Variants in SLC41A2 observed in about 807,000 individuals in gnomAD.
SLC41A2 encodes the protein solute carrier family 41 member 2.
SLC41A2 carries 32 observed loss-of-function variants against 58.3 expected under a neutral mutation model. The ratio of observed to expected loss-of-function variants is 0.55; its 90% CI spans 0.41 to 0.74. SLC41A2 has a LOEUF of 0.74. Among genes scored for constraint, SLC41A2 ranks in the 30% least tolerant of loss-of-function variants. The pLI is 0.00. For synonymous variants in SLC41A2, 190 were observed against 235.0 expected, an observed-to-expected ratio of 0.81 and a Z score of 1.75; for missense variants, 514 against 680.6, an observed-to-expected ratio of 0.76 and a Z score of 2.72.
rs11112243 is a variant in SLC41A2 at position 104,932,021 on chromosome 12, C to G, written c.-167-3327G>C. Among the ~76,000 whole-genome samples, 4 of 152,268 alleles carry G rather than the reference C, an allele frequency of 2.6e-5. No homozygotes were observed. The East Asian group carries it at 7.7e-4, about 29-fold the overall frequency. On this transcript the variant is annotated intron_variant, in intron 1 of 10. Transcript: ENST00000258538. ...TATAGTTTGAAAGTGCCAGGAATGACCTTGATACAAGTATATGCCACAGAC... is the reference window on the plus strand; with the variant it reads ...TATAGTTTGAAAGTGCCAGGAATGAGCTTGATACAAGTATATGCCACAGAC...
chr12:104,944,183 C>T (rs1434467472), intron 1 of SLC41A2, among the ~76,000 whole-genome samples: 1 of 151,982 alleles, frequency 6.6e-6, no homozygotes, highest in African/African-American at 2.4e-5. Flanking sequence ...GAGGACTCAT[C>T]CACAAGGCCT....
At chr12:104,939,672 G>A (rs1335115066) in intron 1 of SLC41A2, among the ~76,000 whole-genome samples, 2 of 152,166 alleles carry the variant, frequency 1.3e-5, no homozygotes, top group Non-Finnish European at 2.9e-5. Flanking sequence ...CTGAAAGTCA[G>A]GAGACACAGG....
At chr12:104,852,837 C>T (rs903691405) in intron 8 of SLC41A2, among the ~76,000 whole-genome samples, 1 of 152,034 alleles carries the variant, frequency 6.6e-6, no homozygotes, top group Non-Finnish European at 1.5e-5. Context: ...GAATAGTTTT[C>T]TTTAATGTCA....
chr12:104,854,518 G>A (rs1321635509), intron 8 of SLC41A2, among the ~76,000 whole-genome samples: 2 of 151,280 alleles, frequency 1.3e-5, no homozygotes, highest in Non-Finnish European at 2.9e-5. Flanking sequence ...AGCCGAGATC[G>A]CGCCACTGCA....
intron 10 of SLC41A2, among the ~76,000 whole-genome samples, chr12:104,823,928 A>C (rs531590778): frequency 1.3e-5 from 2 of 152,222 alleles, no homozygotes; most frequent in Non-Finnish European, 2.9e-5. Context: ...GTCACACACA[A>C]AAAAATAACT....
chr12:104,863,622 A>G (rs1339908497), intron 7 of SLC41A2, among the ~76,000 whole-genome samples: 1 of 152,076 alleles, frequency 6.6e-6, no homozygotes, highest in Non-Finnish European at 1.5e-5. Context: ...AATTTTAGAC[A>G]TTTAGCAAAT....
chr12:104,873,707 G>C (rs1048785612), intron 6 of SLC41A2, among the ~76,000 whole-genome samples: 2 of 151,930 alleles, frequency 1.3e-5, no homozygotes, highest in African/African-American at 2.4e-5. Flanking sequence ...TCATCTTATT[G>C]GTAATAGCCA....
chr12:104,849,177 G>C (rs1395328133), intron 8 of SLC41A2, among the ~76,000 whole-genome samples: 1 of 152,014 alleles, frequency 6.6e-6, no homozygotes, highest in East Asian at 1.9e-4. Flanking sequence ...CACCATAAAG[G>C]AAAATGTTGA....
Position 104,801,981 on chromosome 12 carries a change from G to A in SLC41A2, c.*3171C>T, listed in dbSNP as rs963779752. On this transcript the variant is annotated 3_prime_UTR_variant, in exon 11 of 11. Transcript: ENST00000258538. Reference sequence around the variant, plus strand: ...TCTTTATTTGAGTTTAAAACAATTCGAAGATGGCAGAACCCCGTTATAAAT... The same window carrying A: ...TCTTTATTTGAGTTTAAAACAATTCAAAGATGGCAGAACCCCGTTATAAAT... Among the ~76,000 whole-genome samples the A allele has an allele frequency of 9.3e-5, 14 of 150,790 alleles. 1 individual carries two copies. The highest frequency in any genetic ancestry group is 3.4e-3 in the Middle Eastern group (1 of 292).
intron 10 of SLC41A2, among the ~76,000 whole-genome samples, chr12:104,841,028 A>C (rs2042390548): frequency 1.3e-5 from 2 of 152,158 alleles, no homozygotes; most frequent in South Asian, 4.1e-4. Context: ...TTATTAAGGA[A>C]AACTTCAAAC....
At position 104,951,798 on chromosome 12, in the gene SLC41A2, C is replaced by T. The variant is rs371670201; in HGVS notation, c.-168+6290G>A. Among the ~76,000 whole-genome samples, 31 of 148,748 alleles carry T rather than the reference C, an allele frequency of 2.1e-4. No individual in the cohort carries two copies. The East Asian group carries it at 3.0e-3, about 15-fold the overall frequency. ...AAAGTAATTGCAGTTTTTGTCATTA[C>T]TTTTAATTGCAAAAACTGCACTTAC... On this transcript the variant is annotated intron_variant, in intron 1 of 10. Transcript: ENST00000258538.
At position 104,802,487 on chromosome 12, in the gene SLC41A2, A is replaced by G. The variant is rs1304825502; in HGVS notation, c.*2665T>C. 6.6e-6 allele frequency: 1 copy of G among 152,156 alleles called. No homozygotes were observed. The highest frequency in any genetic ancestry group is 1.9e-4 in the East Asian group (1 of 5,196). 9.4% of individuals were successfully genotyped at this position (152,156 alleles called of 1,614,324 possible). On this transcript the variant is annotated 3_prime_UTR_variant, in exon 11 of 11. Transcript: ENST00000258538. ...AATGTTTTTATTTTTTTCTCCTGTT[A>G]CATGCCTTTTAGACATTTGGTTGCT...
At chr12:104,885,376 T>G (rs1055608731) in intron 6 of SLC41A2, among the ~76,000 whole-genome samples, 1 of 152,052 alleles carries the variant, frequency 6.6e-6, no homozygotes, top group African/African-American at 2.4e-5. Flanking sequence ...TTTGGTTGGT[T>G]AAAGCCCTTT....
chr12:104,837,674 G>A (rs1402450892), intron 10 of SLC41A2, among the ~76,000 whole-genome samples: 2 of 151,894 alleles, frequency 1.3e-5, no homozygotes, highest in African/African-American at 4.8e-5. Flanking sequence ...AGGAAGGTGA[G>A]TGGTAAGGAG....
At chr12:104,923,206 C>T (rs868176716) in intron 2 of SLC41A2, among the ~76,000 whole-genome samples, 1 of 64,326 alleles carries the variant, frequency 1.6e-5, no homozygotes, top group Non-Finnish European at 4.0e-5. Context: ...ACTAAAAGCA[C>T]AAAAAATTAG....
intron 10 of SLC41A2, among the ~76,000 whole-genome samples, chr12:104,821,503 A>G (rs2041636592): frequency 6.6e-6 from 1 of 152,222 alleles, no homozygotes; most frequent in South Asian, 2.1e-4. Context: ...AATACTATGT[A>G]ACAGTAAAAT....
chr12:104,909,987 T>A (rs566419517), intron 2 of SLC41A2, among the ~76,000 whole-genome samples: 2 of 152,300 alleles, frequency 1.3e-5, no homozygotes, highest in Admixed American at 1.3e-4. Flanking sequence ...TCAGCTGATA[T>A]GTTGCTACAA....
At chr12:104,809,334 C>T (rs1219246171) in intron 10 of SLC41A2, among the ~76,000 whole-genome samples, 1 of 152,030 alleles carries the variant, frequency 6.6e-6, no homozygotes, top group Non-Finnish European at 1.5e-5. Flanking sequence ...GAGGCATTTG[C>T]CTTGGGACCC....
chr12:104,866,669 T>C, intron 6 of SLC41A2, 90 bp from the exon 7 acceptor site: 4 of 1,073,294 alleles, frequency 3.7e-6, no homozygotes, highest in Non-Finnish European at 5.2e-6. Context: ...TACTAGAAGG[T>C]ACGACACTAT....
Sources: gnomAD v4.1 joint callset for allele counts (sites outside exome capture counted in the v4.1 genomes callset) on GRCh38, gnomAD v4.1.1 for gene constraint, MANE v1.5 for transcripts, NCBI Gene and HGNC (gene_info 2026-07-23, HGNC 2026-07-21) for gene names.